EEPD1: variants seen among roughly 807,000 people sequenced by gnomAD.
The protein encoded by EEPD1 is endonuclease/exonuclease/phosphatase family domain containing 1.
In EEPD1, 17 loss-of-function variants were observed where a neutral mutation model predicts 46.3. The observed-to-expected ratio is 0.37, with a 90% confidence interval of 0.25 to 0.55. The LOEUF (loss-of-function observed/expected upper bound fraction) is 0.55. EEPD1 is among the 20% of genes least tolerant of loss of function. EEPD1 has a pLI of 0.83. For missense variants in EEPD1, 673 were observed against 745.6 expected (o/e 0.90, Z 1.13); for synonymous variants, 313 against 315.6 (o/e 0.99, Z 0.09).
chr7:36,193,355 C>T lies in EEPD1; in HGVS notation c.878+38153C>T, dbSNP rs576211566. Among the ~76,000 whole-genome samples the T allele has an allele frequency of 6.8e-4, 104 of 152,052 alleles. 1 individual carries two copies. Among genetic ancestry groups the T allele is most frequent in the East Asian group, 3.9e-4 (2 of 5,166 alleles). On this transcript the variant is annotated intron_variant, in intron 2 of 7. Transcript: ENST00000242108. This position sits in a 1 kb window ranked among gnomAD's most constrained non-coding sequence, Gnocchi z 4.9. ...AGCCTGGAGAGGGGAGGAATGAAGG[C>T]GGGATGAGGTATGGCCAGAGAGCAG...
chr7:36,300,838 G>A lies in EEPD1; in HGVS notation c.*1632G>A, dbSNP rs1787610904. ...TTGTGTCCATTCTGAGGTCTCTCCA[G>A]TGGGAGGGCGGCAGCTCCTGTCCCT... On this transcript the variant is annotated 3_prime_UTR_variant, in exon 8 of 8. Coordinates refer to ENST00000242108, the MANE Select transcript of EEPD1 (RefSeq NM_030636.3). 1 of 152,302 alleles carries A rather than the reference G, an allele frequency of 6.6e-6. No individual in the cohort carries two copies. Among genetic ancestry groups the A allele is most frequent in the Non-Finnish European group, 1.5e-5 (1 of 68,084 alleles). The allele number at this position is 152,302 out of a possible 1,614,324, so 9.4% of individuals were successfully genotyped here.
intron 6 of EEPD1, among the ~76,000 whole-genome samples, chr7:36,296,639 A>C (rs962577972): frequency 2.0e-5 from 3 of 150,208 alleles, no homozygotes; most frequent in Admixed American, 2.0e-4. Context: ...CCTGCATAGT[A>C]AGTGCCCAGT....
chr7:36,219,262 A>C (rs1467762816), intron 2 of EEPD1, among the ~76,000 whole-genome samples: 2 of 152,002 alleles, frequency 1.3e-5, no homozygotes, highest in African/African-American at 4.8e-5. Context: ...TAAAAAATTC[A>C]AAATTTAAAC....
intron 2 of EEPD1, among the ~76,000 whole-genome samples, chr7:36,167,480 G>T (rs904658259): frequency 5.9e-5 from 9 of 152,122 alleles, no homozygotes; most frequent in Admixed American, 2.0e-4. Context: ...AGCTCTTAGG[G>T]CCTGGACCCT....
chr7:36,205,722 G>T lies in EEPD1; in HGVS notation c.879-33263G>T, dbSNP rs180905220. Among the ~76,000 whole-genome samples, 62 of 152,352 alleles carry T rather than the reference G, an allele frequency of 4.1e-4. 1 individual carries two copies. Among genetic ancestry groups the T allele is most frequent in the Admixed American group, 4.1e-3 (62 of 15,306 alleles). ...TGTATTTAACTTTTGAAAATGGTAA[G>T]AAATTCCCAAAGTGAGCAGCGAGGT... On this transcript the variant is annotated intron_variant, in intron 2 of 7. Transcript: ENST00000242108.
rs767301755 is a variant in EEPD1 at position 36,299,197 on chromosome 7, C to CCAATGTGAT, written c.1701_1702insCAATGTGAT (p.His567_Glu568insGlnCysAsp). On this transcript the variant is annotated inframe_insertion, in exon 8 of 8. Transcript: ENST00000242108. ...AGCGAAGTGAAGCCAACATCAAGCACGAGCGATGATGACACCAAATCCATG... is the reference window on the plus strand; with the variant it reads ...AGCGAAGTGAAGCCAACATCAAGCACCAATGTGATGAGCGATGATGACACCAAATCCATG... 17 of 1,613,794 alleles carry CCAATGTGAT rather than the reference C, an allele frequency of 1.1e-5. No individual in the cohort carries two copies. Among genetic ancestry groups the CCAATGTGAT allele is most frequent in the African/African-American group, 1.3e-5 (1 of 74,928 alleles).
chr7:36,255,440 A>C (rs6973430), intron 3 of EEPD1, among the ~76,000 whole-genome samples: 1 of 151,998 alleles, frequency 6.6e-6, no homozygotes, highest in South Asian at 2.1e-4. Flanking sequence ...CAAAGATCAA[A>C]TGGTTGTAGA....
intron 2 of EEPD1, among the ~76,000 whole-genome samples, chr7:36,182,303 A>G (rs2115657123): frequency 6.6e-6 from 1 of 152,326 alleles, no homozygotes; most frequent in South Asian, 2.1e-4. Flanking sequence ...AAAAGTAAGA[A>G]TATATATTTG....
chr7:36,192,969 G>A (rs1017173271), intron 2 of EEPD1, among the ~76,000 whole-genome samples: 1 of 152,228 alleles, frequency 6.6e-6, no homozygotes, highest in African/African-American at 2.4e-5. Context: ...GGTTTCCTGG[G>A]TGGGGCTTGG....
At position 36,239,050 on chromosome 7, in the gene EEPD1, T is replaced by C; in HGVS notation, c.930+14T>C. ...GCCTTGGAAAAGGTAAATATTTTAC[T>C]CTTCCTTCCACATTCACAAACCAAG... On this transcript the variant is annotated intron_variant, in intron 3 of 7. Coordinates refer to ENST00000242108, the MANE Select transcript of EEPD1 (RefSeq NM_030636.3). 1 of 1,611,246 alleles carries C rather than the reference T, an allele frequency of 6.2e-7. No homozygotes were observed. The highest frequency in any genetic ancestry group is 8.5e-7 in the Non-Finnish European group (1 of 1,179,386).
intron 3 of EEPD1, among the ~76,000 whole-genome samples, chr7:36,258,836 A>C (rs902388109): frequency 6.6e-6 from 1 of 151,366 alleles, no homozygotes; most frequent in Non-Finnish European, 1.5e-5. Flanking sequence ...GTGAACGGTG[A>C]ACGGTGAACA....
At chr7:36,219,790 AGAGAGAGAGAGAGAGAGTGTGTGT>A (rs1351696889) in intron 2 of EEPD1, among the ~76,000 whole-genome samples, 1 of 92,934 alleles carries the variant, frequency 1.1e-5, no homozygotes, top group Non-Finnish European at 2.5e-5. Flanking sequence ...AGAGAGAGAG[AGAGAGAGAGAGAGAGAGTGTGTGT>A]GTGTGTGTGT....
chr7:36,175,108 C>G (rs114595177), intron 2 of EEPD1, among the ~76,000 whole-genome samples: 1 of 152,238 alleles, frequency 6.6e-6, no homozygotes, highest in Admixed American at 6.5e-5. Context: ...CTGGCAAAAA[C>G]TCAGTGATTG....
At position 36,189,468 on chromosome 7, in the gene EEPD1, A is replaced by G. The variant is rs148719372; in HGVS notation, c.878+34266A>G. The stretch of plus-strand genomic sequence containing the variant: ...TGTTAAGCTTCTTTATGTTATCCAT[A>G]GATACTAGTTTTCCTAAATCTTTTG... On this transcript the variant is annotated intron_variant, in intron 2 of 7. Coordinates refer to ENST00000242108, the MANE Select transcript of EEPD1 (RefSeq NM_030636.3). 5.0e-4 allele frequency among the ~76,000 whole-genome samples: 76 copies of G among 152,364 alleles called. No homozygotes were observed. In the East Asian group the frequency reaches 7.7e-3, roughly 15 times the overall value.
At chr7:36,241,363 C>T (rs1051120214) in intron 3 of EEPD1, among the ~76,000 whole-genome samples, 5 of 151,960 alleles carry the variant, frequency 3.3e-5, no homozygotes, top group Non-Finnish European at 5.9e-5. Context: ...GTCCCAGCTA[C>T]TCAGGAGGCG....
At chr7:36,295,831 G>A (rs886740508) in intron 6 of EEPD1, among the ~76,000 whole-genome samples, 1 of 152,068 alleles carries the variant, frequency 6.6e-6, no homozygotes, top group Admixed American at 6.6e-5. Context: ...AGGAGTTCGA[G>A]ATCAGCCTGG....
intron 2 of EEPD1, among the ~76,000 whole-genome samples, chr7:36,205,197 A>G (rs1785789390): frequency 6.6e-6 from 1 of 152,242 alleles, no homozygotes; most frequent in Non-Finnish European, 1.5e-5. Context: ...ACAAACAGGC[A>G]TCACATTCCA....
intron 2 of EEPD1, among the ~76,000 whole-genome samples, chr7:36,179,136 T>G (rs1438020280): frequency 6.6e-6 from 1 of 152,224 alleles, no homozygotes; most frequent in African/African-American, 2.4e-5. Flanking sequence ...TACATTTGAG[T>G]GAAGCAATGT....
intron 2 of EEPD1, among the ~76,000 whole-genome samples, chr7:36,235,427 C>T (rs935436250): frequency 1.3e-5 from 2 of 152,268 alleles, no homozygotes; most frequent in Admixed American, 1.3e-4. Context: ...CCTCTATAGA[C>T]CTCCTCTGTG....
Sources: gnomAD v4.1 joint callset for allele counts (sites outside exome capture counted in the v4.1 genomes callset) on GRCh38, gnomAD v4.1.1 for gene constraint, Gnocchi (gnomAD v3.1) non-coding constraint, MANE v1.5 for transcripts, NCBI Gene and HGNC (gene_info 2026-07-23, HGNC 2026-07-21) for gene names.